Variants in AHI1 observed in about 807,000 individuals in gnomAD.
AHI1 encodes Abelson helper integration site 1.
Under a neutral mutation model 149.3 loss-of-function variants are expected in AHI1, and 123 were observed. The observed-to-expected ratio is 0.82, with a 90% CI of 0.71 to 0.96. The LOEUF is 0.96. Among genes scored for constraint, AHI1 ranks in the 40% least tolerant of loss-of-function variants. AHI1 has a pLI of 0.00. For synonymous variants in AHI1, 475 were observed against 459.8 expected, an observed-to-expected ratio of 1.03 and a Z score of -0.42; for missense variants, 1,439 against 1,422.7, an observed-to-expected ratio of 1.01 and a Z score of -0.18.
At chr6:135,492,037 A>T (rs1035048460) in intron 4 of AHI1, among the ~76,000 whole-genome samples, 191 bp downstream of exon 4, 1 of 152,222 alleles carries the variant, frequency 6.6e-6, no homozygotes, top group East Asian at 1.9e-4. Flanking sequence ...CATTAAATAC[A>T]TACTAACCTT....
Position 135,455,899 on chromosome 6 carries a change from T to A in AHI1, c.1179A>T (p.Glu393Asp). 6.6e-7 allele frequency: 1 copy of A among 1,523,086 alleles called. No homozygotes were observed. The highest frequency in any genetic ancestry group is 8.9e-7 in the Non-Finnish European group (1 of 1,125,860). 94.3% of individuals were successfully genotyped at this position (1,523,086 alleles called of 1,614,324 possible). A position where few individuals can be genotyped will look rare whatever the true frequency, so the allele number is the denominator to read the frequency against. Residue 393 changes from glutamate (E) to aspartate (D), a missense_variant, in exon 10 of 29, where the codon GAA becomes GAT. Transcript: ENST00000265602. ...DSGRPVSSYY[E>D]KENVDYILPI... Reference sequence around the variant, plus strand: ...GAAGAATATAATCCACATTCTCTTTTTCATAGTAAGATGAAACAGGCCGTC... The same window carrying A: ...GAAGAATATAATCCACATTCTCTTTATCATAGTAAGATGAAACAGGCCGTC...
intron 11 of AHI1, among the ~76,000 whole-genome samples, chr6:135,453,054 G>C (rs1788380583): frequency 6.6e-6 from 1 of 152,172 alleles, no homozygotes; most frequent in African/African-American, 2.4e-5. Context: ...CTGGCACATA[G>C]AAAAGTCTTA....
chr6:135,303,057 C>T (rs1784090724), intron 26 of AHI1, among the ~76,000 whole-genome samples: 1 of 152,154 alleles, frequency 6.6e-6, no homozygotes, highest in Non-Finnish European at 1.5e-5. Flanking sequence ...CTTGCGCTTT[C>T]CAAACCCTCA....
At position 135,448,398 on chromosome 6, in the gene AHI1, T is replaced by C. The variant is rs1460484266; in HGVS notation, c.1518A>G (p.Arg506=). The change falls in exon 12 of 29, where the codon CGA becomes CGG. Residue 506 remains arginine, a synonymous_variant. Coordinates refer to ENST00000265602, the MANE Select transcript of AHI1 (RefSeq NM_001134831.2). Reference sequence around the variant, plus strand: ...ATGCCTCAACAACACTTAATGGGGATCGAGGCTTAGTAGGTGGGTAATATA... The same window carrying C: ...ATGCCTCAACAACACTTAATGGGGACCGAGGCTTAGTAGGTGGGTAATATA... ...LQLYYPPTKP[R]SPLSVVEAFE... 1 of 1,607,048 alleles carries C rather than the reference T, an allele frequency of 6.2e-7. No individual in the cohort carries two copies. The highest frequency in any genetic ancestry group is 1.3e-5 in the African/African-American group (1 of 75,000).
chr6:135,446,788 T>C (rs1787302970), intron 13 of AHI1, among the ~76,000 whole-genome samples: 2 of 152,170 alleles, frequency 1.3e-5, no homozygotes, highest in African/African-American at 2.4e-5. Flanking sequence ...GCTAATACAA[T>C]TGCCCAAGTG....
At chr6:135,391,374 C>T (rs1562650770) in intron 23 of AHI1, among the ~76,000 whole-genome samples, 1 of 152,078 alleles carries the variant, frequency 6.6e-6, no homozygotes, top group Non-Finnish European at 1.5e-5. Context: ...AACTATTCCA[C>T]CTCAGATCAG....
intron 23 of AHI1, among the ~76,000 whole-genome samples, chr6:135,375,835 T>C (rs1775831226): frequency 6.6e-6 from 1 of 152,176 alleles, no homozygotes; most frequent in South Asian, 2.1e-4. Flanking sequence ...TACCTACTAA[T>C]AGTATCAGAG....
rs150685160 is a variant in AHI1 at position 135,437,630 on chromosome 6, G to C, written c.2036+745C>G. Among the ~76,000 whole-genome samples, 30 of 152,324 alleles carry C rather than the reference G, an allele frequency of 2.0e-4. No homozygotes were observed. In the East Asian group the frequency reaches 5.4e-3, roughly 27 times the overall value. On this transcript the variant is annotated intron_variant, in intron 15 of 28. Transcript: ENST00000265602. ...CGAAGTGTTAAGAGAGTAGAAGGCA[G>C]AAGTAAATGACAATGAATTCAGCAT...
At chr6:135,290,591 G>C in intron 27 of AHI1, 66 bp from the exon 28 acceptor site, 1 of 1,553,644 alleles carries the variant, frequency 6.4e-7, no homozygotes. Context: ...GCTCAGATGA[G>C]GCTTTGATCT....
At chr6:135,422,407 G>A (rs1243281087) in intron 20 of AHI1, among the ~76,000 whole-genome samples, 2 of 151,944 alleles carry the variant, frequency 1.3e-5, no homozygotes, top group African/African-American at 4.8e-5. Context: ...TCGGGAGGCT[G>A]AGGTGGGAGG....
chr6:135,286,012 T>C (rs1781641489), intron 28 of AHI1, among the ~76,000 whole-genome samples: 2 of 152,192 alleles, frequency 1.3e-5, no homozygotes, highest in African/African-American at 4.8e-5. Flanking sequence ...CTTCATTGAA[T>C]GGGAAAAAAA....
chr6:135,458,470 C>T (rs905205736), intron 8 of AHI1, among the ~76,000 whole-genome samples: 21 of 152,172 alleles, frequency 1.4e-4, no homozygotes, highest in African/African-American at 4.8e-4. Context: ...ATCTCCCAGG[C>T]TTGTGGTGCT....
At chr6:135,445,232 T>A (rs1249354285) in intron 13 of AHI1, among the ~76,000 whole-genome samples, 2 of 152,252 alleles carry the variant, frequency 1.3e-5, no homozygotes, top group Non-Finnish European at 2.9e-5. Context: ...AGCTCTTATT[T>A]CTACATTAGA....
At chr6:135,310,247 A>T (rs973746218) in intron 26 of AHI1, among the ~76,000 whole-genome samples, 72 of 130,474 alleles carry the variant, frequency 5.5e-4, no homozygotes, top group African/African-American at 2.3e-3. Context: ...ATGGAAAAAA[A>T]TTTTCTCTAT....
chr6:135,343,512 G>A (rs79084876), intron 24 of AHI1, among the ~76,000 whole-genome samples: 3,322 of 151,800 alleles, frequency 0.022, 61 homozygotes, highest in Non-Finnish European at 0.034. Flanking sequence ...AATTAAAACC[G>A]TGTAATGCTG....
intron 12 of AHI1, among the ~76,000 whole-genome samples, chr6:135,447,626 A>T (rs1267613041): frequency 3.9e-5 from 6 of 152,228 alleles, no homozygotes; most frequent in Non-Finnish European, 7.3e-5. Context: ...TCAGCTACAG[A>T]ACGTGCAAAT....
intron 16 of AHI1, 49 bp downstream of exon 16, chr6:135,432,976 TAA>T: frequency 7.3e-7 from 1 of 1,362,576 alleles, no homozygotes; most frequent in Non-Finnish European, 1.0e-6. Context: ...ATTATTCTGG[TAA>T]AAAAAAATTC....
chr6:135,359,617 T>C (rs1199608329), intron 23 of AHI1, among the ~76,000 whole-genome samples: 1 of 152,140 alleles, frequency 6.6e-6, no homozygotes, highest in Admixed American at 6.6e-5. Flanking sequence ...GCCCCTACAG[T>C]CTCACAATCC....
At chr6:135,382,920 AAAAAAAATATATATAT>A (rs1777003699) in intron 23 of AHI1, among the ~76,000 whole-genome samples, 5 of 104,568 alleles carry the variant, frequency 4.8e-5, no homozygotes, top group Non-Finnish European at 9.7e-5. Flanking sequence ...AAAAAAAAAA[AAAAAAAATATATATAT>A]ATATATATAT....
Sources: gnomAD v4.1 joint callset for allele counts (sites outside exome capture counted in the v4.1 genomes callset) on GRCh38, gnomAD v4.1.1 for gene constraint, MANE v1.5 for transcripts, NCBI Gene and HGNC (gene_info 2026-07-23, HGNC 2026-07-21) for gene names.